Variants in RBKS observed in about 807,000 individuals in gnomAD.
RBKS encodes ribokinase.
RBKS carries 33 observed loss-of-function variants against 33.9 expected under a neutral mutation model. The observed-to-expected ratio is 0.97, with a 90% CI of 0.74 to 1.30. The LOEUF is 1.30. RBKS is among the 50% of genes most tolerant of loss of function. RBKS has a pLI of 0.00. For missense variants in RBKS, 361 were observed against 392.6 expected (o/e 0.92, Z 0.68); for synonymous variants, 125 against 143.0 (o/e 0.87, Z 0.90).
intron 1 of RBKS, among the ~76,000 whole-genome samples, chr2:27,863,002 TA>T (rs35668375): frequency 1.2e-4 from 18 of 145,972 alleles, no homozygotes; most frequent in East Asian, 2.0e-4. Flanking sequence ...TTGTTCTAAT[TA>T]AAAAAAAAAA....
intron 1 of RBKS, among the ~76,000 whole-genome samples, chr2:27,888,188 C>T (rs1664585761): frequency 6.6e-6 from 1 of 151,610 alleles, no homozygotes; most frequent in South Asian, 2.1e-4. Context: ...AGTGCAATGG[C>T]GCGATCTCAG....
intron 2 of RBKS, among the ~76,000 whole-genome samples, chr2:27,855,008 T>G (rs1663827323): frequency 6.6e-6 from 1 of 152,188 alleles, no homozygotes; most frequent in South Asian, 2.1e-4. Context: ...CTTAAAATGC[T>G]CTTAAGAAGG....
chr2:27,878,733 T>A (rs1664365784), intron 1 of RBKS, among the ~76,000 whole-genome samples: 1 of 152,216 alleles, frequency 6.6e-6, no homozygotes, highest in South Asian at 2.1e-4. Context: ...CTAACTGGTG[T>A]GAGATGGTAT....
At chr2:27,802,046 C>A (rs1187313020) in intron 7 of RBKS, among the ~76,000 whole-genome samples, 2 of 116,404 alleles carry the variant, frequency 1.7e-5, no homozygotes, top group African/African-American at 6.8e-5. Context: ...CTATGTTGCC[C>A]ATGCTGGTCT....
intron 6 of RBKS, among the ~76,000 whole-genome samples, chr2:27,830,924 G>A (rs1453604735): frequency 1.3e-5 from 2 of 152,144 alleles, no homozygotes; most frequent in African/African-American, 4.8e-5. Flanking sequence ...GCTGGATCTT[G>A]AAACCCAGCT....
chr2:27,796,399 G>T (rs1677666580), intron 7 of RBKS, among the ~76,000 whole-genome samples: 1 of 152,162 alleles, frequency 6.6e-6, no homozygotes, highest in African/African-American at 2.4e-5. Flanking sequence ...GCCAAAAGGG[G>T]TGATGGCATA....
intron 1 of RBKS, among the ~76,000 whole-genome samples, chr2:27,862,463 G>A (rs763164784): frequency 2.2e-4 from 33 of 151,892 alleles, no homozygotes; most frequent in Non-Finnish European, 3.5e-4. Flanking sequence ...TCAGATTCAC[G>A]TGGCCTCTGC....
chr2:27,848,043 T>C lies in RBKS; in HGVS notation c.277A>G (p.Ile93Val). The change falls in exon 3 of 8, where the codon ATT (isoleucine) becomes GTT (valine). Residue 93 changes from isoleucine to valine, a missense_variant. By Grantham distance (29) the Ile-to-Val change is conservative. Coordinates refer to ENST00000302188, the MANE Select transcript of RBKS (RefSeq NM_022128.3). ...DYIENLKQNDISTEFTYQTKD... is the reference protein window; with the variant it reads ...DYIENLKQNDVSTEFTYQTKD... ...AAGGTGGGAATTTTACCTGTAGAAA[T>C]ATCATTCTGTTTTAAGTTTTCTATA... 2.0e-6 allele frequency: 3 copies of C among 1,481,674 alleles called. No homozygotes were observed. The highest frequency in any genetic ancestry group is 2.8e-6 in the Non-Finnish European group (3 of 1,072,078). 91.8% of individuals were successfully genotyped at this position (1,481,674 alleles called of 1,614,324 possible). A position where few individuals can be genotyped will look rare whatever the true frequency, so the allele number is the denominator to read the frequency against.
At chr2:27,849,579 A>AG (rs1663694458) in intron 2 of RBKS, among the ~76,000 whole-genome samples, 3 of 147,696 alleles carry the variant, frequency 2.0e-5, no homozygotes, top group African/African-American at 7.7e-5. Context: ...AAAAAAAAAA[A>AG]AAAAAAAGAA....
intron 3 of RBKS, 133 bp downstream of exon 3, chr2:27,847,901 A>C (rs1663652917): frequency 1.6e-6 from 1 of 643,014 alleles, no homozygotes; most frequent in African/African-American, 1.9e-5. Context: ...GCAAGAATGG[A>C]CAAAGCTGTG....
chr2:27,789,387 T>G lies in RBKS; in HGVS notation c.796-7599A>C, dbSNP rs1435756792. 4.6e-5 allele frequency among the ~76,000 whole-genome samples: 7 copies of G among 151,816 alleles called. No homozygotes were observed. The South Asian group carries it at 8.3e-4, about 18-fold the overall frequency. On this transcript the variant is annotated intron_variant, in intron 7 of 7. Transcript: ENST00000302188. Reference sequence around the variant, plus strand: ...GGATCAGGTCGGCACTAAAAAAATTTCAGATTTTGAAGCTTTTTTTTTTTT... The same window carrying G: ...GGATCAGGTCGGCACTAAAAAAATTGCAGATTTTGAAGCTTTTTTTTTTTT...
intron 1 of RBKS, among the ~76,000 whole-genome samples, chr2:27,874,653 T>A (rs1366340647): frequency 6.6e-6 from 1 of 152,218 alleles, no homozygotes; most frequent in African/African-American, 2.4e-5. Context: ...AAAGGTTAAT[T>A]TCTCCAAATT....
intron 1 of RBKS, among the ~76,000 whole-genome samples, chr2:27,882,783 T>C (rs1664443756): frequency 1.3e-5 from 2 of 152,164 alleles, no homozygotes; most frequent in South Asian, 4.1e-4. Context: ...TGCCAGAACA[T>C]GATGGAGCTG....
chr2:27,811,902 T>C (rs1044733702), intron 7 of RBKS, among the ~76,000 whole-genome samples: 2 of 151,894 alleles, frequency 1.3e-5, no homozygotes, highest in Non-Finnish European at 2.9e-5. Context: ...ACAGAAAAGA[T>C]GAACCAGGAA....
At chr2:27,783,907 A>AG (rs1183138798) in intron 7 of RBKS, among the ~76,000 whole-genome samples, 3 of 139,688 alleles carry the variant, frequency 2.1e-5, no homozygotes, top group Non-Finnish European at 4.7e-5. Context: ...ACTCTGTCTC[A>AG]GAAAAAAAAA....
intron 2 of RBKS, among the ~76,000 whole-genome samples, chr2:27,854,262 A>G (rs60705797): frequency 0.032 from 4,821 of 152,294 alleles, 271 homozygotes; most frequent in African/African-American, 0.11. Context: ...GCTATAAATG[A>G]TCCTAACTGC....
chr2:27,843,053 A>G lies in RBKS; in HGVS notation c.514+14T>C. On this transcript the variant is annotated intron_variant, in intron 5 of 7. Coordinates refer to ENST00000302188, the MANE Select transcript of RBKS (RefSeq NM_022128.3). Reference sequence around the variant, plus strand: ...AAAGCTTTTATAGAAAGAATGACAAATATGTATAATTACCTCCACTCCTGC... The same window carrying G: ...AAAGCTTTTATAGAAAGAATGACAAGTATGTATAATTACCTCCACTCCTGC... 1 of 1,541,944 alleles carries G rather than the reference A, an allele frequency of 6.5e-7. No individual in the cohort carries two copies. The highest frequency in any genetic ancestry group is 8.8e-7 in the Non-Finnish European group (1 of 1,142,052).
intron 7 of RBKS, among the ~76,000 whole-genome samples, chr2:27,788,214 G>A (rs1454851833): frequency 2.0e-5 from 3 of 152,012 alleles, no homozygotes; most frequent in Non-Finnish European, 4.4e-5. Flanking sequence ...ACTCAACATT[G>A]TACTGGATTG....
intron 7 of RBKS, among the ~76,000 whole-genome samples, chr2:27,816,609 TTTTG>T (rs1177312715): frequency 7.0e-6 from 1 of 142,496 alleles, no homozygotes; most frequent in Non-Finnish European, 1.5e-5. Flanking sequence ...ATATGTGTTT[TTTTG>T]TTTTTTTGTT....
Sources: allele counts gnomAD v4.1 joint callset (sites outside exome capture counted in the v4.1 genomes callset), GRCh38; gene constraint gnomAD v4.1.1; transcripts MANE v1.5; gene names NCBI Gene and HGNC (gene_info 2026-07-23, HGNC 2026-07-21).